The following CFAP96 variants were observed in gnomAD, a reference collection of about 807,000 sequenced individuals.
The protein encoded by CFAP96 is cilia-and flagella-associated protein 96.
chr4:185,431,290 AAACTTCTCC>A, the CFAP96 span, among the ~76,000 whole-genome samples: 6 of 152,166 alleles, frequency 3.9e-5, no homozygotes, highest in Admixed American at 1.3e-4. Flanking sequence ...TGCACTTCAA[AAACTTCTCC>A]ATGTTTCCAA....
the CFAP96 span, among the ~76,000 whole-genome samples, chr4:185,439,567 A>G: frequency 6.6e-6 from 1 of 152,030 alleles, no homozygotes; most frequent in Non-Finnish European, 1.5e-5. Flanking sequence ...TGTTCACTGT[A>G]TAGTTTTTTG....
the CFAP96 span, chr4:185,440,390 T>G: frequency 1.8e-6 from 1 of 548,590 alleles, no homozygotes; most frequent in African/African-American, 2.0e-5. Context: ...ATCATAAAAA[T>G]AGAACATAGT....
chr4:185,418,851 G>T, the CFAP96 span: 2 of 1,145,278 alleles, frequency 1.7e-6, no homozygotes, highest in Non-Finnish European at 2.4e-6. Flanking sequence ...CAAAAGTAGA[G>T]CATAGTAAAA....
chr4:185,413,196 T>A, the CFAP96 span, among the ~76,000 whole-genome samples: 1 of 152,150 alleles, frequency 6.6e-6, no homozygotes, highest in South Asian at 2.1e-4. Context: ...CCCTAGCTAC[T>A]GGCCAACATG....
chr4:185,417,353 T>A, the CFAP96 span, among the ~76,000 whole-genome samples: 1 of 152,208 alleles, frequency 6.6e-6, no homozygotes, highest in African/African-American at 2.4e-5. Context: ...GCATTCTACA[T>A]CTGTAAATCT....
chr4:185,416,536 T>C, the CFAP96 span, among the ~76,000 whole-genome samples: 1 of 152,174 alleles, frequency 6.6e-6, no homozygotes, highest in Admixed American at 6.6e-5. Flanking sequence ...TGGGAAAAGG[T>C]CAAGCACTCT....
At chr4:185,435,769 A>C in the CFAP96 span, among the ~76,000 whole-genome samples, 2 of 152,102 alleles carry the variant, frequency 1.3e-5, no homozygotes, top group South Asian at 4.2e-4. Flanking sequence ...AACACAAAAG[A>C]CTCTGTTTAT....
the CFAP96 span, among the ~76,000 whole-genome samples, chr4:185,440,312 G>A: frequency 1.1e-4 from 17 of 152,042 alleles, no homozygotes; most frequent in Admixed American, 9.2e-4. Flanking sequence ...TCTCAGTATC[G>A]CAAATAAATT....
chr4:185,440,674 G>A, the CFAP96 span: 4 of 1,503,292 alleles, frequency 2.7e-6, no homozygotes, highest in East Asian at 2.5e-5. Flanking sequence ...AAGAGAAGAA[G>A]AAAACAATTT....
the CFAP96 span, among the ~76,000 whole-genome samples, chr4:185,423,211 TG>T: frequency 6.6e-6 from 1 of 152,228 alleles, no homozygotes; most frequent in Non-Finnish European, 1.5e-5. Flanking sequence ...GATTCTAATG[TG>T]AATGGTTGAG....
At chr4:185,427,099 G>A in the CFAP96 span, among the ~76,000 whole-genome samples, 3 of 151,842 alleles carry the variant, frequency 2.0e-5, no homozygotes, top group Admixed American at 6.6e-5. Context: ...AAAAAGTTAA[G>A]TGATGGGAAA....
the CFAP96 span, chr4:185,444,929 A>C: frequency 1.3e-6 from 2 of 1,532,530 alleles, no homozygotes; most frequent in East Asian, 4.9e-5. Flanking sequence ...GGCATTTTAC[A>C]AAATCACATT....
At chr4:185,428,074 G>GA in the CFAP96 span, among the ~76,000 whole-genome samples, 3 of 124,178 alleles carry the variant, frequency 2.4e-5, no homozygotes, top group Non-Finnish European at 5.0e-5. Context: ...CTACAAGAGC[G>GA]AAACTCTGTC....
chr4:185,431,209 C>CAAAA, the CFAP96 span, among the ~76,000 whole-genome samples: 3 of 88,584 alleles, frequency 3.4e-5, no homozygotes, highest in African/African-American at 4.2e-5. Context: ...GACTCCGTCT[C>CAAAA]AAAAAAAAAA....
chr4:185,411,011 GAAGA>G, the CFAP96 span, among the ~76,000 whole-genome samples: 2 of 149,684 alleles, frequency 1.3e-5, no homozygotes, highest in Non-Finnish European at 3.0e-5. Flanking sequence ...TAAGAAGTTA[GAAGA>G]AAGACAATAA....
At chr4:185,434,674 T>C in the CFAP96 span, among the ~76,000 whole-genome samples, 1 of 93,154 alleles carries the variant, frequency 1.1e-5, no homozygotes, top group African/African-American at 3.6e-5. Flanking sequence ...GACTAGTGTT[T>C]TAAGTAAGAA....
the CFAP96 span, chr4:185,445,546 T>C: frequency 2.6e-6 from 4 of 1,526,776 alleles, no homozygotes; most frequent in Admixed American, 3.6e-5. Flanking sequence ...AAATAACCTA[T>C]GAAAATAGAA....
chr4:185,415,598 A>T, the CFAP96 span: 3 of 1,019,578 alleles, frequency 2.9e-6, no homozygotes, highest in Non-Finnish European at 4.2e-6. Flanking sequence ...CTCTTAGGTT[A>T]ATAATAAACA....
chr4:185,437,303 T>C, the CFAP96 span, among the ~76,000 whole-genome samples: 2 of 152,232 alleles, frequency 1.3e-5, no homozygotes, highest in South Asian at 2.1e-4. Context: ...TGTTCACTTA[T>C]ATGCGGAATG....
Sources: allele counts gnomAD v4.1 joint callset (sites outside exome capture counted in the v4.1 genomes callset), GRCh38; gene constraint gnomAD v4.1.1; transcripts MANE v1.5; gene names NCBI Gene and HGNC (gene_info 2026-07-23, HGNC 2026-07-21).